The following TPM2 variants were observed in gnomAD, a reference collection of about 807,000 sequenced individuals.
The protein encoded by TPM2 is tropomyosin beta chain.
TPM2 carries 26 observed loss-of-function variants against 41.0 expected under a neutral mutation model. The ratio of observed to expected loss-of-function variants is 0.63; its 90% CI spans 0.46 to 0.88. TPM2 has a LOEUF of 0.88. Among genes scored for constraint, TPM2 ranks in the 40% least tolerant of loss-of-function variants. The pLI, the probability that TPM2 is intolerant of heterozygous loss-of-function variation, is 0.00. For synonymous variants in TPM2, 143 were observed against 139.3 expected, an observed-to-expected ratio of 1.03 and a Z score of -0.19; for missense variants, 187 against 355.2, an observed-to-expected ratio of 0.53 and a Z score of 3.81.
rs1465634333 is a variant in TPM2, at chr9:35,685,810, G to T, written c.241-30C>A. The T allele has an allele frequency of 6.2e-7, 1 of 1,613,682 alleles. No homozygotes were observed. Among genetic ancestry groups the T allele is most frequent in the South Asian group, 1.1e-5 (1 of 91,052 alleles). On this transcript the variant is annotated intron_variant, in intron 2 of 8. Coordinates refer to ENST00000645482, the MANE Select transcript of TPM2 (RefSeq NM_003289.4). The surrounding 1 kb of genome is among the most constrained non-coding windows in gnomAD (Gnocchi z 5.0). The stretch of plus-strand genomic sequence containing the variant: ...GGGTCAGAGGTCAGGGGTCAAAAAG[G>T]CCTTGTTAGCCTTGGATAAGGATCA...
chr9:35,683,427 C>T (rs1824694693), intron 8 of TPM2, among the ~76,000 whole-genome samples, 186 bp from the exon 9 acceptor site: 1 of 152,182 alleles, frequency 6.6e-6, no homozygotes, highest in African/African-American at 2.4e-5. Flanking sequence ...CATCTCTACC[C>T]CATCTCTTTT....
chr9:35,682,353 G>T, downstream of TPM2: 2 of 946,920 alleles, frequency 2.1e-6, no homozygotes, highest in Non-Finnish European at 1.6e-6. Flanking sequence ...GACGGACGTG[G>T]ATGCCTCACT....
Position 35,685,107 on chromosome 9 carries a change from G to T in TPM2, c.563+162C>A. On this transcript the variant is annotated intron_variant, in intron 5 of 8. Coordinates refer to ENST00000645482, the MANE Select transcript of TPM2 (RefSeq NM_003289.4). The surrounding 1 kb of genome is among the most constrained non-coding windows in gnomAD (Gnocchi z 5.0). ...CAGGGACTTGAGGGCCTGGTCCATG[G>T]TTCGAAGTTCCTCCTCCAGCTGTCT... 1 of 1,614,192 alleles carries T rather than the reference G, an allele frequency of 6.2e-7. No homozygotes were observed. Among genetic ancestry groups the T allele is most frequent in the Non-Finnish European group, 8.5e-7 (1 of 1,180,022 alleles).
At chr9:35,688,538 T>C (rs935377209) in intron 2 of TPM2, among the ~76,000 whole-genome samples, 1 of 152,030 alleles carries the variant, frequency 6.6e-6, no homozygotes, top group Non-Finnish European at 1.5e-5. Context: ...TGCTTTGGCA[T>C]TTGTGGCCCT....
intron 1 of TPM2, 39 bp downstream of exon 1, chr9:35,689,665 G>C (rs930121559): frequency 1.2e-6 from 2 of 1,608,394 alleles, no homozygotes; most frequent in Non-Finnish European, 1.7e-6. Context: ...CCTTGCCCTA[G>C]GCGCGGGGAG....
chr9:35,687,237 G>T (rs1028351120), intron 2 of TPM2, among the ~76,000 whole-genome samples: 1 of 152,032 alleles, frequency 6.6e-6, no homozygotes, highest in Non-Finnish European at 1.5e-5. Flanking sequence ...TGTGTAGGGC[G>T]GGGGCTTGGG....
In TPM2 at chr9:35,685,622, C is replaced by T. The variant is rs1284553963; in HGVS notation, c.374+25G>A. On this transcript the variant is annotated intron_variant, in intron 3 of 8. Transcript: ENST00000645482. This position sits in a 1 kb window ranked among gnomAD's most constrained non-coding sequence, Gnocchi z 5.0. ...ACAGGCTCCCTTCTCCCTCCCGGACCATCCTCCCCGAGGCCCCTGACCACC... is the reference window on the plus strand; with the variant it reads ...ACAGGCTCCCTTCTCCCTCCCGGACTATCCTCCCCGAGGCCCCTGACCACC... 4 of 1,614,022 alleles carry T rather than the reference C, an allele frequency of 2.5e-6. No homozygotes were observed. The highest frequency in any genetic ancestry group is 2.7e-5 in the African/African-American group (2 of 74,904).
intron 2 of TPM2, among the ~76,000 whole-genome samples, chr9:35,688,822 GATTA>G (rs2131862373): frequency 6.6e-6 from 1 of 152,272 alleles, no homozygotes; most frequent in African/African-American, 2.4e-5. Flanking sequence ...TCAGCTGGAG[GATTA>G]ATTGAGGTAG....
At chr9:35,683,304 AAAGG>A (rs1824687407) in intron 8 of TPM2, 63 bp from the exon 9 acceptor site, 1 of 1,453,664 alleles carries the variant, frequency 6.9e-7, no homozygotes, top group Non-Finnish European at 9.4e-7. Flanking sequence ...GGGAAAGAGG[AAAGG>A]AAGGAGAGAG....
chr9:35,683,380 G>A (rs761398227), intron 8 of TPM2, 139 bp from the exon 9 acceptor site: 10 of 828,950 alleles, frequency 1.2e-5, no homozygotes, highest in Admixed American at 2.1e-5. Context: ...GGGAGGCCAG[G>A]GAACAGGCTG....
At position 35,683,018 on chromosome 9, in the gene TPM2, G is replaced by C; in HGVS notation, c.*141C>G. On this transcript the variant is annotated 3_prime_UTR_variant, in exon 9 of 9. Transcript: ENST00000645482. The stretch of plus-strand genomic sequence containing the variant: ...CAGTGCCAGAGTGGGTGGTGGGCAT[G>C]ATGGGGGCTCTCCCTAGGCTGCTCC... 6.5e-7 allele frequency: 1 copy of C among 1,544,894 alleles called. No individual in the cohort carries two copies. Among genetic ancestry groups the C allele is most frequent in the Non-Finnish European group, 8.7e-7 (1 of 1,143,322 alleles).
At position 35,685,950 on chromosome 9, in the gene TPM2, A is replaced by G. The variant is rs567667819; in HGVS notation, c.241-170T>C. Among the ~76,000 whole-genome samples, 8 of 152,348 alleles carry G rather than the reference A, an allele frequency of 5.3e-5. No individual in the cohort carries two copies. Among genetic ancestry groups the G allele is most frequent in the African/African-American group, 1.9e-4 (8 of 41,578 alleles). On this transcript the variant is annotated intron_variant, in intron 2 of 8. Coordinates refer to ENST00000645482, the MANE Select transcript of TPM2 (RefSeq NM_003289.4). The surrounding 1 kb of genome is among the most constrained non-coding windows in gnomAD (Gnocchi z 5.0). ...TCATCTTCTGCCCAGACTGTGCTCC[A>G]GTAAAAAATGTGCATTCAGGCCGGG...
chr9:35,684,379 A>G, intron 7 of TPM2, 64 bp from the exon 8 acceptor site: 1 of 1,610,368 alleles, frequency 6.2e-7, no homozygotes, highest in Middle Eastern at 1.7e-4. Context: ...ACTACTGCCT[A>G]AGTCAAGCTT....
At position 35,685,638 on chromosome 9, in the gene TPM2, C is replaced by T; in HGVS notation, c.374+9G>A. On this transcript the variant is annotated intron_variant, in intron 3 of 8. Coordinates refer to ENST00000645482, the MANE Select transcript of TPM2 (RefSeq NM_003289.4). This position sits in a 1 kb window ranked among gnomAD's most constrained non-coding sequence, Gnocchi z 5.0. ...CTCCCGGACCATCCTCCCCGAGGCC[C>T]CTGACCACCTCTCGCTCTCATCAGC... is the stretch of plus-strand genomic sequence containing the variant. The T allele has an allele frequency of 6.2e-7, 1 of 1,614,162 alleles. No homozygotes were observed. The highest frequency in any genetic ancestry group is 8.5e-7 in the Non-Finnish European group (1 of 1,180,036).
chr9:35,684,946 G>A, intron 5 of TPM2, 139 bp from the exon 6 acceptor site: 2 of 1,610,828 alleles, frequency 1.2e-6, no homozygotes, highest in South Asian at 2.2e-5. Flanking sequence ...GGGCTCAGAA[G>A]CCCCAGGCCC....
chr9:35,689,981 G>A, upstream of TPM2: 1 of 1,498,408 alleles, frequency 6.7e-7, no homozygotes, highest in East Asian at 2.4e-5. Flanking sequence ...GGCGGGGCCG[G>A]CAACCAGGAC....
chr9:35,687,180 A>G (rs1382020729), intron 2 of TPM2, among the ~76,000 whole-genome samples: 1 of 152,212 alleles, frequency 6.6e-6, no homozygotes, highest in Non-Finnish European at 1.5e-5. Flanking sequence ...GAGACTCATA[A>G]AACTAAACAG....
rs775425326 is a variant in TPM2, at chr9:35,685,476, C to T, written c.450G>A (p.Glu150=). 3.7e-6 allele frequency: 6 copies of T among 1,614,220 alleles called. No individual in the cohort carries two copies. The Admixed American group carries it at 6.7e-5, about 18-fold the overall frequency. The change falls in exon 4 of 9, where the codon GAG becomes GAA. Residue 150 remains glutamate (E), a synonymous_variant. Transcript: ENST00000645482. The surrounding 1 kb of genome is among the most constrained non-coding windows in gnomAD (Gnocchi z 5.0). ...CTGAATCCTCAGCGATGTGCTTGGC[C>T]TCCTTCAGCTGCATCTCCTGCAGTT... The part of the protein sequence containing the change: ...KMELQEMQLK[E]AKHIAEDSDR...
downstream of TPM2, chr9:35,682,598 C>G: frequency 7.9e-7 from 1 of 1,265,474 alleles, no homozygotes; most frequent in African/African-American, 1.5e-5. Flanking sequence ...CTTTTGCAAC[C>G]TTCTTGCCCC....
Sources: allele counts gnomAD v4.1 joint callset (sites outside exome capture counted in the v4.1 genomes callset), GRCh38; gene constraint gnomAD v4.1.1; non-coding constraint Gnocchi (gnomAD v3.1); transcripts MANE v1.5; gene names NCBI Gene and HGNC (gene_info 2026-07-23, HGNC 2026-07-21).